Variants in GLRA2 observed in about 807,000 individuals in gnomAD.
GLRA2 encodes glycine receptor alpha 2.
Under a neutral mutation model 31.6 loss-of-function variants are expected in GLRA2, and 11 were observed. The ratio of observed to expected loss-of-function variants is 0.35; its 90% CI spans 0.22 to 0.58. The LOEUF (loss-of-function observed/expected upper bound fraction) is 0.58. GLRA2 is among the 20% of genes least tolerant of loss of function. The pLI, the probability that GLRA2 is intolerant of heterozygous loss-of-function variation, is 0.84. For synonymous variants in GLRA2, 132 were observed against 134.0 expected, an observed-to-expected ratio of 0.99 and a Z score of 0.10; for missense variants, 212 against 351.8, an observed-to-expected ratio of 0.60 and a Z score of 3.18.
At chrX:14,568,878 C>A (rs1001895045) in intron 2 of GLRA2, among the ~76,000 whole-genome samples, 4 of 111,274 alleles carry the variant, frequency 3.6e-5, no homozygotes, top group African/African-American at 1.3e-4. Context: ...GGTAAACGTT[C>A]ATTACCTTGG....
intron 7 of GLRA2, among the ~76,000 whole-genome samples, chrX:14,662,243 G>A (rs987088171): frequency 9.8e-4 from 107 of 108,706 alleles, no homozygotes; most frequent in African/African-American, 3.4e-3. Context: ...TCATAAAGCA[G>A]AATAAAACAC....
intron 7 of GLRA2, among the ~76,000 whole-genome samples, chrX:14,635,166 A>G (rs757620172): frequency 1.3e-3 from 141 of 111,895 alleles, no homozygotes; most frequent in Non-Finnish European, 7.7e-4. Context: ...CTGAGAAGAG[A>G]GGAAAGCTGC....
the GLRA2 span, among the ~76,000 whole-genome samples, chrX:14,512,527 G>T: frequency 9.0e-6 from 1 of 110,940 alleles, no homozygotes; most frequent in Non-Finnish European, 1.9e-5. Flanking sequence ...AAACCCTGAA[G>T]ACTTCTTCAA....
chrX:14,494,036 C>A, the GLRA2 span, among the ~76,000 whole-genome samples: 1 of 110,726 alleles, frequency 9.0e-6, no homozygotes, highest in Non-Finnish European at 1.9e-5. Flanking sequence ...ATAAGACCTA[C>A]TGTCACAAAA....
chrX:14,610,803 A>C (rs1289773265), intron 7 of GLRA2, among the ~76,000 whole-genome samples: 1 of 112,276 alleles, frequency 8.9e-6, no homozygotes, highest in Non-Finnish European at 1.9e-5. Context: ...TTATCTTCAA[A>C]ATGGGAGTTT....
intron 4 of GLRA2, among the ~76,000 whole-genome samples, chrX:14,601,391 G>A (rs775313985): frequency 4.5e-5 from 5 of 111,598 alleles, no homozygotes; most frequent in Non-Finnish European, 9.4e-5. Flanking sequence ...ATTACTGAAC[G>A]AAATGGAATT....
chrX:14,505,901 A>AT, the GLRA2 span, among the ~76,000 whole-genome samples: 3 of 111,330 alleles, frequency 2.7e-5, no homozygotes, highest in African/African-American at 9.8e-5. Flanking sequence ...TCTGAAAAAC[A>AT]CAGTTTTAAA....
At chrX:14,566,714 G>A (rs924594179) in intron 2 of GLRA2, among the ~76,000 whole-genome samples, 2 of 111,475 alleles carry the variant, frequency 1.8e-5, no homozygotes, top group Non-Finnish European at 1.9e-5. Flanking sequence ...TTCCTGCTAC[G>A]TCCTTTAAAG....
chrX:14,569,565 C>T (rs1297546609), intron 2 of GLRA2, among the ~76,000 whole-genome samples: 1 of 102,422 alleles, frequency 9.8e-6, no homozygotes, highest in Non-Finnish European at 2.0e-5. Context: ...CAATGATATA[C>T]CATTTCACAC....
chrX:14,574,365 A>G lies in GLRA2; in HGVS notation c.235A>G (p.Ile79Val), dbSNP rs767196069. 1 of 1,200,688 alleles carries G rather than the reference A, an allele frequency of 8.3e-7. No homozygotes were observed. The highest frequency in any genetic ancestry group is 1.1e-6 in the Non-Finnish European group (1 of 886,259). ...PPVNVTCNIFINSFGSVTETT... is the reference protein window; with the variant it reads ...PPVNVTCNIFVNSFGSVTETT... ...AGTAAACGTTACTTGCAATATTTTTATCAACAGTTTTGGATCAGTCACAGA... is the reference window on the plus strand; with the variant it reads ...AGTAAACGTTACTTGCAATATTTTTGTCAACAGTTTTGGATCAGTCACAGA... The change falls in exon 3 of 9, where the codon ATC (isoleucine) becomes GTC (valine). Residue 79 changes from isoleucine (I) to valine (V), a missense_variant. Ile to Val is a conservative substitution (Grantham distance 29, BLOSUM62 3). Transcript: ENST00000218075.
chrX:14,612,790 CG>C (rs1226744559), intron 7 of GLRA2, among the ~76,000 whole-genome samples: 4 of 80,860 alleles, frequency 4.9e-5, no homozygotes, highest in South Asian at 1.5e-3. Context: ...TACATGGACA[CG>C]GGGAGGGGAA....
At chrX:14,645,440 T>C (rs113102971) in intron 7 of GLRA2, among the ~76,000 whole-genome samples, 3 of 111,926 alleles carry the variant, frequency 2.7e-5, no homozygotes, top group African/African-American at 9.7e-5. Flanking sequence ...GGATGGATCA[T>C]CTATTTGTCA....
intron 2 of GLRA2, among the ~76,000 whole-genome samples, chrX:14,572,147 C>T (rs1174919234): frequency 8.9e-6 from 1 of 111,998 alleles, no homozygotes; most frequent in Non-Finnish European, 1.9e-5. Flanking sequence ...CAGCAACATA[C>T]TCATAATGCC....
intron 2 of GLRA2, among the ~76,000 whole-genome samples, chrX:14,557,908 T>C (rs1267812612): frequency 1.8e-5 from 2 of 112,185 alleles, no homozygotes; most frequent in Non-Finnish European, 3.8e-5. Context: ...AAATTCATGA[T>C]GGCTACATGG....
chrX:14,454,645 C>G, the GLRA2 span, among the ~76,000 whole-genome samples: 1 of 110,007 alleles, frequency 9.1e-6, no homozygotes, highest in Non-Finnish European at 1.9e-5. Flanking sequence ...TATAGTGATC[C>G]CCTTCCACTG....
intron 4 of GLRA2, among the ~76,000 whole-genome samples, chrX:14,595,843 G>T (rs1179620264): frequency 8.9e-6 from 1 of 111,988 alleles, no homozygotes; most frequent in Non-Finnish European, 1.9e-5. Context: ...ACTTCGAAAA[G>T]TTCAATAATA....
chrX:14,462,234 C>T, the GLRA2 span, among the ~76,000 whole-genome samples: 1 of 111,837 alleles, frequency 8.9e-6, no homozygotes, highest in Non-Finnish European at 1.9e-5. Context: ...GTCTGATGGG[C>T]TTCCCTTTGT....
chrX:14,505,083 AC>A, the GLRA2 span, among the ~76,000 whole-genome samples: 1 of 112,027 alleles, frequency 8.9e-6, no homozygotes, highest in African/African-American at 3.2e-5. Flanking sequence ...AAAAATAAAG[AC>A]TGGGTAGAGT....
At chrX:14,466,153 G>T in the GLRA2 span, among the ~76,000 whole-genome samples, 1 of 111,341 alleles carries the variant, frequency 9.0e-6, no homozygotes, top group African/African-American at 3.3e-5. Context: ...ATTAAGTAAG[G>T]CAGAATCCCC....
Sources: allele counts gnomAD v4.1 joint callset (sites outside exome capture counted in the v4.1 genomes callset), GRCh38; gene constraint gnomAD v4.1.1; transcripts MANE v1.5; gene names NCBI Gene and HGNC (gene_info 2026-07-23, HGNC 2026-07-21).